Variants in GRID2 observed in about 807,000 individuals in gnomAD.
GRID2 encodes glutamate receptor ionotropic, delta-2.
In GRID2, 33 loss-of-function variants were observed where a neutral mutation model predicts 114.8. The observed-to-expected ratio is 0.29, with a 90% CI of 0.22 to 0.38. The LOEUF (loss-of-function observed/expected upper bound fraction) is 0.38. GRID2 is among the 10% of genes least tolerant of loss of function. GRID2 has a pLI of 1.00. For missense variants in GRID2, 1,184 were observed against 1,257.7 expected (o/e 0.94, Z 0.89); for synonymous variants, 505 against 449.9 (o/e 1.12, Z -1.55).
chr4:93,191,962 G>A (rs1372187677), intron 4 of GRID2, among the ~76,000 whole-genome samples: 3 of 151,978 alleles, frequency 2.0e-5, no homozygotes, highest in Non-Finnish European at 4.4e-5. Context: ...ACCATTCATT[G>A]TTCTTTTTAC....
At chr4:93,659,245 G>A (rs986158778) in intron 14 of GRID2, among the ~76,000 whole-genome samples, 1 of 152,124 alleles carries the variant, frequency 6.6e-6, no homozygotes, top group African/African-American at 2.4e-5. Context: ...AATGTGCACA[G>A]GTGATTCCCA....
At chr4:92,380,230 T>A (rs998940480) in intron 1 of GRID2, among the ~76,000 whole-genome samples, 6 of 151,796 alleles carry the variant, frequency 4.0e-5, no homozygotes, top group African/African-American at 1.4e-4. Flanking sequence ...TGTAATGATA[T>A]AATTGAAAGA....
At chr4:93,461,499 G>A (rs1324528740) in intron 11 of GRID2, among the ~76,000 whole-genome samples, 1 of 151,960 alleles carries the variant, frequency 6.6e-6, no homozygotes, top group Non-Finnish European at 1.5e-5. Flanking sequence ...GATTGAATAG[G>A]GATAAAGAGG....
At chr4:92,800,707 A>T (rs1383421780) in intron 2 of GRID2, among the ~76,000 whole-genome samples, 10 of 151,940 alleles carry the variant, frequency 6.6e-5, no homozygotes, top group Non-Finnish European at 1.5e-4. Context: ...GAGAAAAAAA[A>T]TTCTAGAGAG....
At position 93,031,170 on chromosome 4, in the gene GRID2, C is replaced by T. The variant is rs994666356; in HGVS notation, c.245-53825C>T. 7.9e-5 allele frequency among the ~76,000 whole-genome samples: 12 copies of T among 151,376 alleles called. No homozygotes were observed. The East Asian group carries it at 9.8e-4, about 12-fold the overall frequency. On this transcript the variant is annotated intron_variant, in intron 2 of 15. Transcript: ENST00000282020. The stretch of plus-strand genomic sequence containing the variant: ...TAGTGATCCTCCTGCCTCTGTCTCC[C>T]GAGTAGCTGGGACTATAGGCACCTG...
In GRID2 at chr4:92,857,629, C is replaced by T. The variant is rs188114095; in HGVS notation, c.245-227366C>T. On this transcript the variant is annotated intron_variant, in intron 2 of 15. Transcript: ENST00000282020. ...AGCAGAGGTTGGCTCCTGAGGTTCACAGAAAGAAGTCATCTTCATAACATA... is the reference window on the plus strand; with the variant it reads ...AGCAGAGGTTGGCTCCTGAGGTTCATAGAAAGAAGTCATCTTCATAACATA... 1.5e-3 allele frequency among the ~76,000 whole-genome samples: 230 copies of T among 152,220 alleles called. 3 individuals are homozygous for T. Among genetic ancestry groups the T allele is most frequent in the African/African-American group, 3.9e-3 (164 of 41,532 alleles).
chr4:93,668,831 G>A (rs1200108475), intron 14 of GRID2, among the ~76,000 whole-genome samples: 3 of 151,910 alleles, frequency 2.0e-5, no homozygotes, highest in Non-Finnish European at 4.4e-5. Context: ...AAAGATATGT[G>A]CTATAAAATT....
chr4:92,765,238 T>G (rs553166636), intron 2 of GRID2, among the ~76,000 whole-genome samples: 1 of 152,320 alleles, frequency 6.6e-6, no homozygotes, highest in South Asian at 2.1e-4. Flanking sequence ...TTTAATTCTT[T>G]AGAAATTTAA....
chr4:93,366,366 G>A (rs1762335321), intron 8 of GRID2, among the ~76,000 whole-genome samples: 1 of 152,024 alleles, frequency 6.6e-6, no homozygotes, highest in Non-Finnish European at 1.5e-5. Context: ...AGACTGCAGA[G>A]GTGAGATAGA....
chr4:92,917,846 T>C (rs1748941087), intron 2 of GRID2, among the ~76,000 whole-genome samples: 1 of 152,176 alleles, frequency 6.6e-6, no homozygotes, highest in African/African-American at 2.4e-5. Context: ...CTTTTTTGGT[T>C]CCATGTGAGC....
At chr4:93,186,128 T>A (rs1338316558) in intron 4 of GRID2, among the ~76,000 whole-genome samples, 2 of 152,224 alleles carry the variant, frequency 1.3e-5, no homozygotes, top group African/African-American at 4.8e-5. Flanking sequence ...TGTGCCACAT[T>A]TTCTTAATCC....
At chr4:93,032,226 CA>C (rs1724506244) in intron 2 of GRID2, among the ~76,000 whole-genome samples, 1 of 152,044 alleles carries the variant, frequency 6.6e-6, no homozygotes. Context: ...AGTTATATTT[CA>C]AACATGAAAA....
At chr4:92,722,182 G>C (rs964122843) in intron 2 of GRID2, among the ~76,000 whole-genome samples, 3 of 152,164 alleles carry the variant, frequency 2.0e-5, no homozygotes, top group African/African-American at 7.2e-5. Context: ...GAAGCTGGTA[G>C]TGAATGAAGA....
chr4:92,411,655 G>GTGTATATATATATATATATATATATATA, intron 1 of GRID2, among the ~76,000 whole-genome samples: 68 of 84,662 alleles, frequency 8.0e-4, no homozygotes, highest in Middle Eastern at 6.5e-3. Context: ...GTGTGTGTGT[G>GTGTATATATATATATATATATATATATA]TATATATATA....
chr4:92,752,003 G>A (rs573046049), intron 2 of GRID2, among the ~76,000 whole-genome samples: 32 of 152,140 alleles, frequency 2.1e-4, no homozygotes, highest in African/African-American at 7.7e-4. Flanking sequence ...GCAAAAGTGC[G>A]AATTTCTCTG....
At chr4:92,498,945 A>C (rs943571819) in intron 1 of GRID2, among the ~76,000 whole-genome samples, 2 of 133,532 alleles carry the variant, frequency 1.5e-5, no homozygotes, top group Non-Finnish European at 3.3e-5. Context: ...AAAAAAAAAA[A>C]CAAGTTAGAA....
At chr4:92,479,724 T>C (rs1722489368) in intron 1 of GRID2, among the ~76,000 whole-genome samples, 1 of 152,112 alleles carries the variant, frequency 6.6e-6, no homozygotes, top group Non-Finnish European at 1.5e-5. Flanking sequence ...AATTGATCAA[T>C]AGGAACAAAC....
rs914140562 is a variant in GRID2, at chr4:93,113,408, C to G, written c.735+2455C>G. On this transcript the variant is annotated intron_variant, in intron 4 of 15. Coordinates refer to ENST00000282020, the MANE Select transcript of GRID2 (RefSeq NM_001510.4). The stretch of plus-strand genomic sequence containing the variant: ...TAAGTTTGTCTCTAGAGTTTGTGCA[C>G]TTAACCTTGGTTCCCAGACAGGTTG... Among the ~76,000 whole-genome samples, 10 of 152,280 alleles carry G rather than the reference C, an allele frequency of 6.6e-5. No homozygotes were observed. In the South Asian group the frequency reaches 2.1e-3, roughly 32 times the overall value.
chr4:92,568,060 A>C (rs192832280), intron 1 of GRID2, among the ~76,000 whole-genome samples: 1 of 152,068 alleles, frequency 6.6e-6, no homozygotes, highest in African/African-American at 2.4e-5. Context: ...AAACAGGGTC[A>C]TCAAGGAGGG....
Sources: allele counts gnomAD v4.1 joint callset (sites outside exome capture counted in the v4.1 genomes callset), GRCh38; gene constraint gnomAD v4.1.1; transcripts MANE v1.5; gene names NCBI Gene and HGNC (gene_info 2026-07-23, HGNC 2026-07-21).